The following ZFP14 variants were observed in gnomAD, a reference collection of about 807,000 sequenced individuals.
ZFP14 encodes zinc finger protein 14 homolog.
ZFP14 carries 22 observed loss-of-function variants against 54.5 expected under a neutral mutation model. That is an observed-to-expected ratio of 0.40 (90% CI 0.29 to 0.58). The LOEUF (loss-of-function observed/expected upper bound fraction) is 0.58, where lower values mean the gene tolerates loss of function less well. ZFP14 is among the 20% of genes least tolerant of loss of function. ZFP14 has a pLI of 0.39. For synonymous variants in ZFP14, 159 were observed against 204.0 expected, an observed-to-expected ratio of 0.78 and a Z score of 1.88; for missense variants, 470 against 637.8, an observed-to-expected ratio of 0.74 and a Z score of 2.83.
chr19:36,342,527 A>C (rs1390433011), intron 4 of ZFP14, among the ~76,000 whole-genome samples: 1 of 152,124 alleles, frequency 6.6e-6, no homozygotes, highest in Non-Finnish European at 1.5e-5. Context: ...TAACAAATAA[A>C]ATAGTTGACA....
intron 4 of ZFP14, among the ~76,000 whole-genome samples, chr19:36,353,042 CCATGTT>C (rs1451891002): frequency 7.1e-6 from 1 of 141,080 alleles, no homozygotes; most frequent in Non-Finnish European, 1.6e-5. Flanking sequence ...GGAAGTTGAG[CCATGTT>C]CATGTCACTG....
At chr19:36,367,846 G>A in intron 2 of ZFP14, 38 bp downstream of exon 2, 2 of 1,603,702 alleles carry the variant, frequency 1.2e-6, no homozygotes, top group Non-Finnish European at 1.7e-6. Context: ...TACAGAAATT[G>A]ACAGTATTTC....
At chr19:36,346,956 C>T (rs2031427379) in intron 4 of ZFP14, among the ~76,000 whole-genome samples, 1 of 152,202 alleles carries the variant, frequency 6.6e-6, no homozygotes, top group Admixed American at 6.5e-5. Context: ...GCTACGTACA[C>T]TTATTGCCCA....
chr19:36,365,489 C>T (rs1230421730), intron 2 of ZFP14, among the ~76,000 whole-genome samples: 1 of 152,134 alleles, frequency 6.6e-6, no homozygotes, highest in African/African-American at 2.4e-5. Context: ...GAACGGCTGA[C>T]ACTCAGGATG....
At position 36,341,581 on chromosome 19, in the gene ZFP14, G is replaced by T; in HGVS notation, c.245C>A (p.Ser82Tyr). 1.3e-6 allele frequency: 2 copies of T among 1,561,482 alleles called. No individual in the cohort carries two copies. The highest frequency in any genetic ancestry group is 2.4e-5 in the South Asian group (2 of 82,288). ...GTRRYCPDLE[S>Y]RYRTNTLSPE... ...AGATAAAGTATTGGTCCTGTATCTGGACTCCAAATCTGAAAGAAAACAAGA... is the reference window on the plus strand; with the variant it reads ...AGATAAAGTATTGGTCCTGTATCTGTACTCCAAATCTGAAAGAAAACAAGA... The change falls in exon 5 of 5, where the codon TCC (serine) becomes TAC (tyrosine). Residue 82 changes from serine (S) to tyrosine (Y), a missense_variant. Physicochemically the swap from Ser to Tyr is moderately radical, Grantham distance 144. Coordinates refer to ENST00000270001, the MANE Select transcript of ZFP14 (RefSeq NM_020917.3). The surrounding 1 kb of genome is among the most constrained non-coding windows in gnomAD (Gnocchi z 4.2).
chr19:36,355,894 A>G (rs2031604871), intron 4 of ZFP14, among the ~76,000 whole-genome samples: 1 of 142,400 alleles, frequency 7.0e-6, no homozygotes, highest in Non-Finnish European at 1.6e-5. Context: ...CTGTTACAGC[A>G]GCTTAAGATG....
rs2031153884 is a variant in ZFP14, at chr19:36,334,471, C to G, written c.*5753G>C. 6.6e-6 allele frequency: 1 copy of G among 152,168 alleles called. No homozygotes were observed. The allele number at this position is 152,168 out of a possible 1,614,324, so 9.4% of individuals were successfully genotyped here. A position where few individuals can be genotyped will look rare whatever the true frequency, so the allele number is the denominator to read the frequency against. On this transcript the variant is annotated 3_prime_UTR_variant, in exon 5 of 5. Transcript: ENST00000270001. ...CACAAAATGATATTCAATATAGCATCTTTATTACCACAGAAACTCATTTAT... is the reference window on the plus strand; with the variant it reads ...CACAAAATGATATTCAATATAGCATGTTTATTACCACAGAAACTCATTTAT...
intron 4 of ZFP14, among the ~76,000 whole-genome samples, chr19:36,353,719 G>A (rs867493532): frequency 8.0e-6 from 1 of 125,044 alleles, no homozygotes; most frequent in Non-Finnish European, 1.7e-5. Context: ...AAAAAAATCA[G>A]CTCATGTTAC....
chr19:36,349,241 A>AC (rs1322662081), intron 4 of ZFP14, among the ~76,000 whole-genome samples: 2 of 40,764 alleles, frequency 4.9e-5, no homozygotes, highest in African/African-American at 3.4e-4. Flanking sequence ...CAAAAAAAAA[A>AC]ACAAAAAAAA....
rs990025192 is a variant in ZFP14, at chr19:36,337,100, T to C, written c.*3124A>G. ...AATATATGTAAATATCATTTAATAT[T>C]TAGTCCATGTCCACACTTCCCTCAC... On this transcript the variant is annotated 3_prime_UTR_variant, in exon 5 of 5. Coordinates refer to ENST00000270001, the MANE Select transcript of ZFP14 (RefSeq NM_020917.3). The C allele has an allele frequency of 2.0e-5, 3 of 152,164 alleles. No homozygotes were observed. The highest frequency in any genetic ancestry group is 7.2e-5 in the African/African-American group (3 of 41,432). 9.4% of individuals were successfully genotyped at this position (152,164 alleles called of 1,614,324 possible).
At position 36,339,926 on chromosome 19, in the gene ZFP14, GC is replaced by G; in HGVS notation, c.*297del. 3.9e-6 allele frequency: 1 copy of G among 259,434 alleles called. No homozygotes were observed. Among genetic ancestry groups the G allele is most frequent in the Non-Finnish European group, 7.3e-6 (1 of 137,246 alleles). 16.1% of individuals were successfully genotyped at this position (259,434 alleles called of 1,614,324 possible). ...ACTATTATTACCATTTTACAAGTCA[GC>G]AAAATGAGGCACAGAAGCTTAGTAT... On this transcript the variant is annotated 3_prime_UTR_variant, in exon 5 of 5. Transcript: ENST00000270001.
rs57472603 is a variant in ZFP14 at position 36,342,045 on chromosome 19, C to T, written c.236-455G>A. Among the ~76,000 whole-genome samples, 1,283 of 151,638 alleles carry T rather than the reference C, an allele frequency of 8.5e-3. 23 individuals are homozygous for T. The highest frequency in any genetic ancestry group is 0.03 in the African/African-American group (1,226 of 41,380). The stretch of plus-strand genomic sequence containing the variant: ...TTTTTTTTGTATTTTTTAGTAGGGA[C>T]GGGGTTTCACCGTGTTAGCCAGGAT... On this transcript the variant is annotated intron_variant, in intron 4 of 4. Transcript: ENST00000270001.
chr19:36,347,436 C>T (rs752329774), intron 4 of ZFP14, among the ~76,000 whole-genome samples: 2 of 147,362 alleles, frequency 1.4e-5, no homozygotes, highest in East Asian at 2.1e-4. Flanking sequence ...ATGGTGAAAC[C>T]TCATCTCTAC....
intron 4 of ZFP14, among the ~76,000 whole-genome samples, chr19:36,346,200 C>T (rs1026400414): frequency 6.6e-6 from 1 of 151,980 alleles, no homozygotes; most frequent in Non-Finnish European, 1.5e-5. Context: ...GAAAGAGGAT[C>T]GTCTGAGCCC....
intron 4 of ZFP14, among the ~76,000 whole-genome samples, chr19:36,345,485 G>T (rs1439178364): frequency 1.3e-5 from 2 of 152,136 alleles, no homozygotes; most frequent in African/African-American, 4.8e-5. Context: ...TAAAAATAAA[G>T]GCTATGTTGG....
In ZFP14 at chr19:36,338,511, C is replaced by T. The variant is rs1175288049; in HGVS notation, c.*1713G>A. The T allele has an allele frequency of 6.7e-6, 1 of 150,090 alleles. No homozygotes were observed. The highest frequency in any genetic ancestry group is 1.9e-4 in the East Asian group (1 of 5,132). 9.3% of individuals were successfully genotyped at this position (150,090 alleles called of 1,614,324 possible). On this transcript the variant is annotated 3_prime_UTR_variant, in exon 5 of 5. Transcript: ENST00000270001. ...GACCAGCCTGGGCAACATAGTGAGA[C>T]CCTTTCTCTAAAAAAAAAAAAAAAA... is the stretch of plus-strand genomic sequence containing the variant.
chr19:36,375,923 C>T (rs1484633378), intron 1 of ZFP14, among the ~76,000 whole-genome samples: 1 of 151,420 alleles, frequency 6.6e-6, no homozygotes, highest in Non-Finnish European at 1.5e-5. Context: ...AAACTCCTGA[C>T]CTCGGGTAAT....
chr19:36,367,825 T>A, intron 2 of ZFP14, 59 bp downstream of exon 2: 7 of 1,573,706 alleles, frequency 4.4e-6, no homozygotes, highest in Non-Finnish European at 5.2e-6. Flanking sequence ...AGAATGAATC[T>A]ATATACATGA....
In ZFP14 at chr19:36,337,604, CA is replaced by C. The variant is rs1189454028; in HGVS notation, c.*2619del. The C allele has an allele frequency of 6.7e-6, 1 of 148,490 alleles. No homozygotes were observed. The highest frequency in any genetic ancestry group is 1.5e-5 in the Non-Finnish European group (1 of 65,756). 9.2% of individuals were successfully genotyped at this position (148,490 alleles called of 1,614,324 possible). On this transcript the variant is annotated 3_prime_UTR_variant, in exon 5 of 5. Transcript: ENST00000270001. ...GGACTTGAGCATCCTCAGATTTTACCATCAGTGGAGGATCCTGGAACCAATT... is the reference window on the plus strand; with the variant it reads ...GGACTTGAGCATCCTCAGATTTTACCTCAGTGGAGGATCCTGGAACCAATT...
Sources: allele counts gnomAD v4.1 joint callset (sites outside exome capture counted in the v4.1 genomes callset), GRCh38; gene constraint gnomAD v4.1.1; non-coding constraint Gnocchi (gnomAD v3.1); transcripts MANE v1.5; gene names NCBI Gene and HGNC (gene_info 2026-07-23, HGNC 2026-07-21).